Variants in ITGA8 observed in about 807,000 individuals in gnomAD.
ITGA8 encodes integrin subunit alpha 8.
In ITGA8, 91 loss-of-function variants were observed where a neutral mutation model predicts 142.3. The observed-to-expected ratio is 0.64, with a 90% CI of 0.54 to 0.76. ITGA8 has a LOEUF of 0.76. Ranked by LOEUF, ITGA8 falls within the 30% of genes least tolerant of loss-of-function variation. ITGA8 has a pLI of 0.00. For missense variants in ITGA8, 1,406 were observed against 1,327.7 expected (o/e 1.06, Z -0.92); for synonymous variants, 505 against 485.2 (o/e 1.04, Z -0.54).
chr10:15,648,496 CTATATTAATATACAA>C (rs1237820703), intron 11 of ITGA8, among the ~76,000 whole-genome samples: 13 of 149,564 alleles, frequency 8.7e-5, no homozygotes, highest in African/African-American at 2.9e-4. Flanking sequence ...AGAAACAATA[CTATATTAATATACAA>C]TATATTAATA....
chr10:15,636,965 T>G (rs1393400437), intron 13 of ITGA8, among the ~76,000 whole-genome samples: 1 of 152,080 alleles, frequency 6.6e-6, no homozygotes, highest in Non-Finnish European at 1.5e-5. Flanking sequence ...GCCAACATGG[T>G]GAAACCCCAT....
chr10:15,650,022 G>T (rs1270094245), intron 11 of ITGA8, among the ~76,000 whole-genome samples: 2 of 152,056 alleles, frequency 1.3e-5, no homozygotes, highest in African/African-American at 4.8e-5. Context: ...GCCCAAACTT[G>T]GAAGCAACCA....
intron 9 of ITGA8, among the ~76,000 whole-genome samples, chr10:15,659,623 A>G (rs1218543761): frequency 1.3e-5 from 2 of 152,210 alleles, no homozygotes; most frequent in Admixed American, 6.5e-5. Context: ...CCAAAATTTC[A>G]TATCTACCCA....
At chr10:15,681,014 C>G (rs1454252632) in intron 4 of ITGA8, among the ~76,000 whole-genome samples, 2 of 152,042 alleles carry the variant, frequency 1.3e-5, no homozygotes, top group Non-Finnish European at 2.9e-5. Context: ...GGATAATTTG[C>G]TACTATTTGT....
chr10:15,717,188 C>A (rs2131744945), intron 2 of ITGA8, among the ~76,000 whole-genome samples: 1 of 152,230 alleles, frequency 6.6e-6, no homozygotes, highest in African/African-American at 2.4e-5. Flanking sequence ...TGTTATGAGA[C>A]TATACAAGAA....
chr10:15,658,628 C>T (rs1332181470), intron 10 of ITGA8, among the ~76,000 whole-genome samples: 3 of 152,168 alleles, frequency 2.0e-5, no homozygotes, highest in African/African-American at 7.2e-5. Flanking sequence ...CATCTCAGCC[C>T]AGACATTGGC....
chr10:15,679,427 C>T (rs1451803677), intron 4 of ITGA8, among the ~76,000 whole-genome samples: 1 of 152,004 alleles, frequency 6.6e-6, no homozygotes, highest in African/African-American at 2.4e-5. Context: ...ACTAAAACCA[C>T]AAAAATTAGC....
chr10:15,525,375 G>A (rs1338367594), intron 28 of ITGA8, among the ~76,000 whole-genome samples: 1 of 151,990 alleles, frequency 6.6e-6, no homozygotes, highest in African/African-American at 2.4e-5. Context: ...AGGCACGGTG[G>A]CTCACATCTG....
chr10:15,621,329 A>C (rs919156616), intron 13 of ITGA8, among the ~76,000 whole-genome samples: 1 of 152,192 alleles, frequency 6.6e-6, no homozygotes, highest in Non-Finnish European at 1.5e-5. Context: ...ACAACTGAGT[A>C]CTTTTAAGGA....
chr10:15,557,460 C>T (rs1833906307), intron 26 of ITGA8, among the ~76,000 whole-genome samples: 1 of 152,182 alleles, frequency 6.6e-6, no homozygotes, highest in African/African-American at 2.4e-5. Context: ...CTTGAGCTGC[C>T]ACAGACCCCA....
Position 15,660,925 on chromosome 10 carries a change from G to A in ITGA8, c.848-3C>T, listed in dbSNP as rs766531548. On this transcript the variant is annotated splice_region_variant and splice_polypyrimidine_tract_variant and intron_variant, in intron 8 of 29. Transcript: ENST00000378076. ...TCTTGGAATTCCAGCAACCAATTCT[G>A]GGGATGAAAATAGCCATTTAGAAGG... 1 of 1,613,334 alleles carries A rather than the reference G, an allele frequency of 6.2e-7. No homozygotes were observed. The highest frequency in any genetic ancestry group is 8.5e-7 in the Non-Finnish European group (1 of 1,179,466).
intron 2 of ITGA8, among the ~76,000 whole-genome samples, chr10:15,709,088 T>G (rs899085014): frequency 3.9e-5 from 6 of 152,238 alleles, no homozygotes; most frequent in Non-Finnish European, 8.8e-5. Context: ...ATAGGTTGAT[T>G]TCGTTTGTGA....
Position 15,606,420 on chromosome 10 carries a change from A to G in ITGA8, c.1767T>C (p.Asp589=), listed in dbSNP as rs768231951. 6.3e-7 allele frequency: 1 copy of G among 1,588,138 alleles called. No individual in the cohort carries two copies. The highest frequency in any genetic ancestry group is 8.6e-7 in the Non-Finnish European group (1 of 1,159,466). ...QCQDFIVYLR[D]ETEFRDKLSP... The stretch of plus-strand genomic sequence containing the variant: ...ATAATTTATCTCGGAATTCAGTTTC[A>G]TCCTAGGAAAAATAATCACAAACTC... Residue 589 remains aspartate (D), a splice_region_variant and synonymous_variant, in exon 18 of 30, where the codon GAT becomes GAC. Coordinates refer to ENST00000378076, the MANE Select transcript of ITGA8 (RefSeq NM_003638.3).
At chr10:15,677,332 A>T (rs1834648782) in intron 6 of ITGA8, among the ~76,000 whole-genome samples, 1 of 152,238 alleles carries the variant, frequency 6.6e-6, no homozygotes, top group Admixed American at 6.5e-5. Context: ...GGTGATGGTT[A>T]TGCTAATTAC....
intron 2 of ITGA8, among the ~76,000 whole-genome samples, chr10:15,714,122 G>C (rs1340845975): frequency 6.6e-6 from 1 of 152,046 alleles, no homozygotes; most frequent in Non-Finnish European, 1.5e-5. Context: ...CATTTTACTT[G>C]AGCATTTAAA....
chr10:15,683,481 C>CT (rs1433506705), intron 4 of ITGA8, among the ~76,000 whole-genome samples: 2 of 152,172 alleles, frequency 1.3e-5, no homozygotes, highest in Non-Finnish European at 2.9e-5. Context: ...GATTTGAACT[C>CT]TAAGTATACA....
chr10:15,666,566 G>A (rs1834397227), intron 8 of ITGA8, among the ~76,000 whole-genome samples: 1 of 152,164 alleles, frequency 6.6e-6, no homozygotes, highest in Non-Finnish European at 1.5e-5. Context: ...TTGAATAGGA[G>A]TGATGAGAGA....
chr10:15,558,307 A>T, intron 25 of ITGA8, 105 bp from the exon 26 acceptor site: 2 of 1,333,744 alleles, frequency 1.5e-6, no homozygotes, highest in South Asian at 1.4e-5. Flanking sequence ...GTGGAATATG[A>T]TTCACATGAG....
intron 6 of ITGA8, among the ~76,000 whole-genome samples, chr10:15,675,335 G>A (rs764602999): frequency 6.6e-6 from 1 of 151,984 alleles, no homozygotes; most frequent in Non-Finnish European, 1.5e-5. Flanking sequence ...CTCAGTGAGC[G>A]GCACCCACCT....
Sources: allele counts gnomAD v4.1 joint callset (sites outside exome capture counted in the v4.1 genomes callset), GRCh38; gene constraint gnomAD v4.1.1; transcripts MANE v1.5; gene names NCBI Gene and HGNC (gene_info 2026-07-23, HGNC 2026-07-21).